CCDC80: variants seen among roughly 807,000 people sequenced by gnomAD.
CCDC80 encodes coiled-coil domain-containing protein 80.
CCDC80 carries 49 observed loss-of-function variants against 78.7 expected under a neutral mutation model. The observed-to-expected ratio is 0.62, with a 90% CI of 0.50 to 0.79. The LOEUF (loss-of-function observed/expected upper bound fraction) is 0.79, where lower values mean the gene tolerates loss of function less well. CCDC80 is among the 30% of genes least tolerant of loss of function. The pLI, the probability that CCDC80 is intolerant of heterozygous loss-of-function variation, is 0.00. For synonymous variants in CCDC80, 488 were observed against 447.0 expected (o/e 1.09, Z -1.16); for missense variants, 1,205 against 1,198.6 (o/e 1.01, Z -0.08).
In CCDC80 at chr3:112,597,151, T is replaced by C. The variant is rs1415463500; in HGVS notation, c.*8266A>G. ...CACATCATAAATCCCACTGCCCTTATCTTGGCCCAAAGACAAAACTGGACA... is the reference window on the plus strand; with the variant it reads ...CACATCATAAATCCCACTGCCCTTACCTTGGCCCAAAGACAAAACTGGACA... On this transcript the variant is annotated 3_prime_UTR_variant, in exon 8 of 8. Coordinates refer to ENST00000206423, the MANE Select transcript of CCDC80 (RefSeq NM_199511.3). The C allele has an allele frequency of 1.3e-5, 2 of 152,224 alleles. No homozygotes were observed. Among genetic ancestry groups the C allele is most frequent in the African/African-American group, 2.4e-5 (1 of 41,470 alleles). The allele number at this position is 152,224 out of a possible 1,614,324, so 9.4% of individuals were successfully genotyped here. A position where few individuals can be genotyped will look rare whatever the true frequency, so the allele number is the denominator to read the frequency against.
At chr3:112,625,699 A>G (rs565313246) in intron 3 of CCDC80, among the ~76,000 whole-genome samples, 88 of 152,276 alleles carry the variant, frequency 5.8e-4, no homozygotes, top group African/African-American at 2.0e-3. Flanking sequence ...ATAGGTATTT[A>G]TTTGTATTTG....
intron 5 of CCDC80, 46 bp from the exon 6 acceptor site, chr3:112,610,127 A>G (rs1475336181): frequency 2.0e-6 from 3 of 1,509,216 alleles, no homozygotes; most frequent in Non-Finnish European, 2.8e-6. Context: ...TGCTTCAAAC[A>G]ATAAAAACCA....
rs1262300330 is a variant in CCDC80 at position 112,616,843 on chromosome 3, G to A, written c.2188C>T (p.Pro730Ser). The change falls in exon 5 of 8, where the codon CCA becomes TCA. Residue 730 changes from proline to serine, a missense_variant. Physicochemically the swap from Pro to Ser is moderately conservative, Grantham distance 74. Coordinates refer to ENST00000206423, the MANE Select transcript of CCDC80 (RefSeq NM_199511.3). ...DLRVKQYYEV[P>S]ITMKSVFDLI... ...TCAAACACAGACTTCATTGTTATTG[G>A]TACCTCATAGTATTGCTGTTTAAGA... The A allele has an allele frequency of 6.2e-7, 1 of 1,613,612 alleles. No homozygotes were observed. Among genetic ancestry groups the A allele is most frequent in the Admixed American group, 1.7e-5 (1 of 59,988 alleles).
At chr3:112,613,920 A>C (rs73853926) in intron 5 of CCDC80, among the ~76,000 whole-genome samples, 2,698 of 151,948 alleles carry the variant, frequency 0.018, 70 homozygotes, top group African/African-American at 0.058. Flanking sequence ...ATTATTGTGA[A>C]GCTTAAGAGA....
rs1936307236 is a variant in CCDC80, at chr3:112,639,836, G to T, written c.70C>A (p.His24Asn). 2.5e-6 allele frequency: 4 copies of T among 1,614,030 alleles called. No individual in the cohort carries two copies. Among genetic ancestry groups the T allele is most frequent in the Non-Finnish European group, 3.4e-6 (4 of 1,180,000 alleles). ...CTGCCTCTAATAGTGGCATGGGGGT[G>T]GGGTTCTGATCCACACACTAGCCAC... ...AMWLVCGSEP[H>N]PHATIRGSHG... The change falls in exon 2 of 8, where the codon CAC becomes AAC. Residue 24 changes from histidine (H) to asparagine (N), a missense_variant. His to Asn is a moderately conservative substitution (Grantham distance 68). Transcript: ENST00000206423.
Position 112,604,296 on chromosome 3 carries a change from GAA to G in CCDC80, c.*1119_*1120del, listed in dbSNP as rs879605104. On this transcript the variant is annotated 3_prime_UTR_variant, in exon 8 of 8. Transcript: ENST00000206423. ...ATGCTGCAGAGAAATCTTTCATGAA[GAA>G]AAAGTCAATCGAAGTGGCAAACTTC... 1.3e-5 allele frequency: 2 copies of G among 152,220 alleles called. No homozygotes were observed. Among genetic ancestry groups the G allele is most frequent in the South Asian group, 4.2e-4 (2 of 4,818 alleles). The allele number at this position is 152,220 out of a possible 1,614,324, so 9.4% of individuals were successfully genotyped here.
rs759830123 is a variant in CCDC80, at chr3:112,639,241, A to G, written c.665T>C (p.Leu222Pro). 6.2e-7 allele frequency: 1 copy of G among 1,613,964 alleles called. No individual in the cohort carries two copies. The highest frequency in any genetic ancestry group is 1.3e-5 in the African/African-American group (1 of 74,882). The change falls in exon 2 of 8, where the codon CTG (leucine) becomes CCG (proline). Residue 222 changes from leucine to proline, a missense_variant. Leu to Pro is a moderately conservative substitution (Grantham distance 98). Transcript: ENST00000206423. Reference protein sequence around the residue: ...QPLDPSLIPKLMSFLKLEKGK... With the variant: ...QPLDPSLIPKPMSFLKLEKGK... ...CTTCTCCAGCTTCAGGAAGCTCATC[A>G]GCTTAGGGATGAGGCTAGGGTCCAG... is the stretch of plus-strand genomic sequence containing the variant.
chr3:112,637,982 G>A, intron 2 of CCDC80, 46 bp downstream of exon 2: 3 of 1,550,050 alleles, frequency 1.9e-6, no homozygotes, highest in Non-Finnish European at 2.6e-6. Context: ...ACGTTAACAT[G>A]CCCTGCCTCA....
chr3:112,622,821 A>C (rs1176262092), intron 3 of CCDC80, among the ~76,000 whole-genome samples: 2 of 118,824 alleles, frequency 1.7e-5, no homozygotes. Flanking sequence ...ATGCCCAGCT[A>C]ATTTTTTTTT....
intron 2 of CCDC80, 73 bp downstream of exon 2, chr3:112,637,955 C>T: frequency 1.3e-6 from 2 of 1,527,844 alleles, no homozygotes; most frequent in Non-Finnish European, 1.7e-6. Context: ...ATGATTTTTA[C>T]AAAACTAACA....
chr3:112,618,819 A>G, intron 4 of CCDC80, 149 bp downstream of exon 4: 1 of 751,838 alleles, frequency 1.3e-6, no homozygotes, highest in East Asian at 3.0e-5. Flanking sequence ...AATTCGTAGG[A>G]CAACATGGAA....
At chr3:112,618,853 C>A in intron 4 of CCDC80, 115 bp downstream of exon 4, 2 of 1,180,684 alleles carry the variant, frequency 1.7e-6, no homozygotes, top group Non-Finnish European at 2.3e-6. Context: ...TCAAAACTTT[C>A]CCATTTATAA....
Position 112,637,457 on chromosome 3 carries a change from C to A in CCDC80, c.1878+571G>T, listed in dbSNP as rs185862285. 5.3e-4 allele frequency among the ~76,000 whole-genome samples: 81 copies of A among 152,262 alleles called. 1 individual carries two copies. Among genetic ancestry groups the A allele is most frequent in the African/African-American group, 1.9e-3 (80 of 41,528 alleles). On this transcript the variant is annotated intron_variant, in intron 2 of 7. Transcript: ENST00000206423. Reference sequence around the variant, plus strand: ...ACTCTTCTCTACTCTCAGTCATACCCACTCCCCACCCAGGCTGTCTTACTT... The same window carrying A: ...ACTCTTCTCTACTCTCAGTCATACCAACTCCCCACCCAGGCTGTCTTACTT...
chr3:112,622,462 C>G (rs1051229857), intron 3 of CCDC80, among the ~76,000 whole-genome samples: 2 of 152,124 alleles, frequency 1.3e-5, no homozygotes, highest in Non-Finnish European at 2.9e-5. Flanking sequence ...TGTCTCAGCT[C>G]CTGCTCCTGC....
chr3:112,627,098 C>T (rs1277176361), intron 3 of CCDC80, among the ~76,000 whole-genome samples: 2 of 152,100 alleles, frequency 1.3e-5, no homozygotes, highest in African/African-American at 4.8e-5. Context: ...CTAAATATTG[C>T]TAAGAAAGAA....
intron 5 of CCDC80, among the ~76,000 whole-genome samples, chr3:112,611,080 A>AT (rs1453453069): frequency 1.3e-5 from 2 of 151,822 alleles, no homozygotes; most frequent in African/African-American, 4.8e-5. Context: ...CACCCGGCTA[A>AT]TTTTTGGTAT....
At chr3:112,616,430 A>G (rs13086960) in intron 5 of CCDC80, among the ~76,000 whole-genome samples, 4,590 of 122,790 alleles carry the variant, frequency 0.037, 198 homozygotes, top group Admixed American at 0.12. Flanking sequence ...GTACCAAAGA[A>G]AGAGAAAAAA....
chr3:112,605,669 A>T lies in CCDC80; in HGVS notation c.2601T>A (p.Leu867=). 3 of 1,614,182 alleles carry T rather than the reference A, an allele frequency of 1.9e-6. No individual in the cohort carries two copies. Among genetic ancestry groups the T allele is most frequent in the Non-Finnish European group, 2.5e-6 (3 of 1,180,024 alleles). The change falls in exon 8 of 8, where the codon CTT becomes CTA. Residue 867 remains leucine, a synonymous_variant. Coordinates refer to ENST00000206423, the MANE Select transcript of CCDC80 (RefSeq NM_199511.3). Reference sequence around the variant, plus strand: ...TGACATTTCCGTCTTTTCCGACTAGAAGCATGGAGAAGTACTCCGGGCTCA... The same window carrying T: ...TGACATTTCCGTCTTTTCCGACTAGTAGCATGGAGAAGTACTCCGGGCTCA... ...FQVSPEYFSM[L]LVGKDGNVKS... is the part of the protein sequence containing the mutation.
At chr3:112,630,393 G>T in intron 2 of CCDC80, 124 bp from the exon 3 acceptor site, 2 of 937,338 alleles carry the variant, frequency 2.1e-6, no homozygotes, top group Non-Finnish European at 3.3e-6. Flanking sequence ...CAAATGTTCT[G>T]CTGAACAGTT....
Sources: gnomAD v4.1 joint callset for allele counts (sites outside exome capture counted in the v4.1 genomes callset) on GRCh38, gnomAD v4.1.1 for gene constraint, MANE v1.5 for transcripts, NCBI Gene and HGNC (gene_info 2026-07-23, HGNC 2026-07-21) for gene names.